Variants in RELN observed in about 807,000 individuals in gnomAD.
RELN encodes reelin.
In RELN, 108 loss-of-function variants were observed where a neutral mutation model predicts 427.6. The ratio of observed to expected loss-of-function variants is 0.25; its 90% confidence interval spans 0.22 to 0.30. RELN has a LOEUF of 0.30. RELN is among the 10% of genes least tolerant of loss of function. RELN has a pLI of 1.00. For synonymous variants in RELN, 1,524 were observed against 1,513.4 expected, an observed-to-expected ratio of 1.01 and a Z score of -0.16; for missense variants, 3,715 against 4,302.8, an observed-to-expected ratio of 0.86 and a Z score of 3.82.
intron 2 of RELN, among the ~76,000 whole-genome samples, chr7:103,866,115 C>T (rs1794191091): frequency 6.6e-6 from 1 of 151,854 alleles, no homozygotes; most frequent in Non-Finnish European, 1.5e-5. Flanking sequence ...AGCTGACAGC[C>T]ATAACAAAAG....
intron 3 of RELN, among the ~76,000 whole-genome samples, chr7:103,804,818 C>A (rs547587536): frequency 6.6e-6 from 1 of 151,992 alleles, no homozygotes; most frequent in Non-Finnish European, 1.5e-5. Context: ...TGAGGAGTGG[C>A]TTTTTGCAAT....
intron 49 of RELN, among the ~76,000 whole-genome samples, chr7:103,516,558 G>A (rs1829571343): frequency 2.0e-5 from 3 of 152,058 alleles, no homozygotes; most frequent in South Asian, 4.2e-4. Flanking sequence ...AAAGTGCTGG[G>A]ATTACAGGCA....
At chr7:103,930,989 A>G (rs1391512482) in intron 1 of RELN, among the ~76,000 whole-genome samples, 1 of 151,746 alleles carries the variant, frequency 6.6e-6, no homozygotes, top group African/African-American at 2.4e-5. Context: ...CATTATAACA[A>G]GTTACAGTAT....
chr7:103,541,551 G>T (rs772996924), intron 43 of RELN, among the ~76,000 whole-genome samples: 1 of 152,188 alleles, frequency 6.6e-6, no homozygotes, highest in Admixed American at 6.5e-5. Context: ...CTACTGAGAT[G>T]AGCTAAATAA....
At chr7:103,635,620 T>C (rs777259304) in intron 18 of RELN, 34 bp from the exon 19 acceptor site, 2 of 1,555,492 alleles carry the variant, frequency 1.3e-6, no homozygotes, top group Non-Finnish European at 8.9e-7. Context: ...AGTGTATGCA[T>C]AAACATTTTT....
At chr7:103,543,741 A>AT (rs11431411) in intron 42 of RELN, among the ~76,000 whole-genome samples, 68,806 of 151,950 alleles carry the variant, frequency 0.45, 19,085 homozygotes, top group Non-Finnish European at 0.62. Flanking sequence ...TCGTTTATTT[A>AT]TTTTTTCATT....
chr7:103,915,306 GT>G (rs1194628602), intron 2 of RELN, among the ~76,000 whole-genome samples: 1 of 152,070 alleles, frequency 6.6e-6, no homozygotes, highest in African/African-American at 2.4e-5. Context: ...ACTGGATCTA[GT>G]TTCTCTGTCA....
At chr7:103,820,036 C>T in intron 3 of RELN, among the ~76,000 whole-genome samples, 1 of 151,808 alleles carries the variant, frequency 6.6e-6, no homozygotes, top group Middle Eastern at 3.4e-3. Flanking sequence ...ACAAAATATA[C>T]AATAATAAAA....
chr7:103,832,211 G>A (rs1435948007), intron 3 of RELN, among the ~76,000 whole-genome samples: 1 of 152,154 alleles, frequency 6.6e-6, no homozygotes, highest in Admixed American at 6.6e-5. Flanking sequence ...ACGGGATTTT[G>A]TCTGAGCAGA....
intron 6 of RELN, among the ~76,000 whole-genome samples, chr7:103,735,135 G>T (rs944136848): frequency 6.6e-6 from 1 of 151,924 alleles, no homozygotes; most frequent in Non-Finnish European, 1.5e-5. Context: ...AAAAAACTAG[G>T]ATCAAACCAT....
chr7:103,732,118 C>T (rs928451045), intron 6 of RELN, among the ~76,000 whole-genome samples: 3 of 152,044 alleles, frequency 2.0e-5, no homozygotes, highest in Non-Finnish European at 4.4e-5. Context: ...TGGAGATGAT[C>T]AGCTGAACTT....
chr7:103,844,912 G>T (rs1510855), intron 2 of RELN, among the ~76,000 whole-genome samples: 21,143 of 152,160 alleles, frequency 0.14, 1,654 homozygotes, highest in East Asian at 0.29. Flanking sequence ...TAAATGAGCT[G>T]GAGATCACTC....
At chr7:103,482,651 G>T (rs529874102) in intron 63 of RELN, 17 of 452,008 alleles carry the variant, frequency 3.8e-5, no homozygotes, top group African/African-American at 3.6e-4. Context: ...TAAATGTTGT[G>T]CTTATGGAAG....
At chr7:103,494,393 G>GTGTGTGTGTGTGTGA (rs60783765) in intron 57 of RELN, among the ~76,000 whole-genome samples, 1 of 150,878 alleles carries the variant, frequency 6.6e-6, no homozygotes, top group African/African-American at 2.5e-5. Context: ...GTGTGTGTGT[G>GTGTGTGTGTGTGTGA]GGATATGGTC....
At chr7:103,945,675 TTAAA>T (rs1228353080) in intron 1 of RELN, among the ~76,000 whole-genome samples, 4 of 152,196 alleles carry the variant, frequency 2.6e-5, no homozygotes, top group African/African-American at 7.2e-5. Context: ...CATACTGTAA[TTAAA>T]TAATTATTTG....
intron 1 of RELN, among the ~76,000 whole-genome samples, chr7:103,954,443 C>T (rs1796394261): frequency 8.0e-6 from 1 of 124,402 alleles, no homozygotes; most frequent in South Asian, 2.3e-4. Flanking sequence ...TATGTGTAAG[C>T]ATGTGTGTGT....
chr7:103,520,593 T>A (rs1438024761), intron 48 of RELN, among the ~76,000 whole-genome samples: 1 of 152,154 alleles, frequency 6.6e-6, no homozygotes, highest in Non-Finnish European at 1.5e-5. Flanking sequence ...ACTATTTTAA[T>A]ATGAAATTTA....
chr7:103,545,052 T>C, intron 42 of RELN, 72 bp downstream of exon 42: 2 of 1,076,614 alleles, frequency 1.9e-6, no homozygotes, highest in South Asian at 2.5e-5. Flanking sequence ...AATGATTAGT[T>C]ATCTACCAAA....
At chr7:103,629,566 A>G (rs362695) in intron 20 of RELN, among the ~76,000 whole-genome samples, 110,243 of 152,044 alleles carry the variant, frequency 0.73, 40,403 homozygotes, top group African/African-American at 0.82. Flanking sequence ...GTTTCATTAT[A>G]AACCCCATGG....
Sources: gnomAD v4.1 joint callset for allele counts (sites outside exome capture counted in the v4.1 genomes callset) on GRCh38, gnomAD v4.1.1 for gene constraint, MANE v1.5 for transcripts, NCBI Gene and HGNC (gene_info 2026-07-23, HGNC 2026-07-21) for gene names.